Variants in SLC35F4 observed in about 807,000 individuals in gnomAD.
SLC35F4 encodes chromosome 14 open reading frame 36.
In SLC35F4, 24 loss-of-function variants were observed where a neutral mutation model predicts 44.2. The ratio of observed to expected loss-of-function variants is 0.54; its 90% CI spans 0.39 to 0.76. SLC35F4 has a LOEUF of 0.76. Ranked by LOEUF, SLC35F4 falls within the 30% of genes least tolerant of loss-of-function variation. The probability of loss-of-function intolerance (pLI) is 0.00; values close to 1 mark genes in which losing one functional copy is unlikely to be tolerated. For missense variants in SLC35F4, 562 were observed against 586.1 expected, an observed-to-expected ratio of 0.96 and a Z score of 0.42; for synonymous variants, 238 against 223.6, an observed-to-expected ratio of 1.06 and a Z score of -0.57.
At chr14:57,611,304 A>G (rs238396) in intron 1 of SLC35F4, among the ~76,000 whole-genome samples, 107,420 of 152,082 alleles carry the variant, frequency 0.71, 38,759 homozygotes, top group Middle Eastern at 0.8. Context: ...CTAGGCAGCT[A>G]GATAAATCTA....
chr14:57,974,676 C>T (rs980215224), downstream of SLC35F4, among the ~76,000 whole-genome samples: 1 of 152,054 alleles, frequency 6.6e-6, no homozygotes, highest in African/African-American at 2.4e-5. Context: ...TAGCCCCCAC[C>T]AATCCTGCTC....
intron 2 of SLC35F4, among the ~76,000 whole-genome samples, chr14:57,592,127 A>T (rs2070228305): frequency 6.6e-6 from 1 of 152,226 alleles, no homozygotes; most frequent in African/African-American, 2.4e-5. Context: ...GTTATCATTA[A>T]AATTGTTTTA....
At chr14:57,647,281 A>T (rs2073571569) in intron 1 of SLC35F4, among the ~76,000 whole-genome samples, 1 of 151,872 alleles carries the variant, frequency 6.6e-6, no homozygotes, top group Non-Finnish European at 1.5e-5. Context: ...GTCACTAAGG[A>T]CTTGCTTTAT....
At chr14:57,740,779 G>A (rs1392794528) in intron 1 of SLC35F4, among the ~76,000 whole-genome samples, 2 of 152,022 alleles carry the variant, frequency 1.3e-5, no homozygotes, top group African/African-American at 2.4e-5. Context: ...CATCTGTTAC[G>A]CACCAATAAA....
At chr14:57,635,532 T>C (rs1004915276) in intron 1 of SLC35F4, among the ~76,000 whole-genome samples, 1 of 152,052 alleles carries the variant, frequency 6.6e-6, no homozygotes, top group Admixed American at 6.6e-5. Flanking sequence ...AGATGTTTAA[T>C]TGTCACAGGT....
At chr14:57,671,083 T>C (rs977522062) in intron 1 of SLC35F4, among the ~76,000 whole-genome samples, 2 of 151,846 alleles carry the variant, frequency 1.3e-5, no homozygotes, top group African/African-American at 4.8e-5. Context: ...TTTGTATTTT[T>C]AGTAGAGAAG....
intron 1 of SLC35F4, among the ~76,000 whole-genome samples, chr14:57,881,488 T>A (rs1237212442): frequency 2.0e-5 from 3 of 152,202 alleles, no homozygotes; most frequent in Non-Finnish European, 4.4e-5. Context: ...CTCTTATATG[T>A]AAATGATTAA....
At chr14:57,708,588 G>C (rs1436388145) in intron 1 of SLC35F4, among the ~76,000 whole-genome samples, 1 of 152,212 alleles carries the variant, frequency 6.6e-6, no homozygotes. Flanking sequence ...TTGCAGATGA[G>C]AAACTTGTTG....
intron 1 of SLC35F4, among the ~76,000 whole-genome samples, chr14:57,893,229 C>G (rs1296543563): frequency 6.6e-6 from 1 of 152,112 alleles, no homozygotes; most frequent in Non-Finnish European, 1.5e-5. Context: ...TATAGTGCCC[C>G]CTTTTGGCTA....
intron 1 of SLC35F4, among the ~76,000 whole-genome samples, chr14:57,905,203 T>C (rs1042144209): frequency 6.6e-6 from 1 of 152,194 alleles, no homozygotes; most frequent in South Asian, 2.1e-4. Flanking sequence ...GCCAAGTTGG[T>C]GCTGGCTGTC....
At chr14:57,591,177 A>G (rs141835867) in intron 2 of SLC35F4, among the ~76,000 whole-genome samples, 3,825 of 152,302 alleles carry the variant, frequency 0.025, 74 homozygotes, top group South Asian at 0.048. Context: ...GATCCTAAGG[A>G]TTTGAATATG....
intron 1 of SLC35F4, among the ~76,000 whole-genome samples, chr14:57,675,232 T>C (rs1214418173): frequency 6.6e-6 from 1 of 152,068 alleles, no homozygotes; most frequent in Non-Finnish European, 1.5e-5. Context: ...TTAAAATATG[T>C]GCATTTCATT....
chr14:57,895,632 C>G (rs1189036898), intron 1 of SLC35F4, among the ~76,000 whole-genome samples: 2 of 152,004 alleles, frequency 1.3e-5, no homozygotes, highest in African/African-American at 4.8e-5. Flanking sequence ...CTCTCCTGCT[C>G]TGCCATGGCA....
chr14:57,564,017 T>G lies in SLC35F4; in HGVS notation c.*118A>C. 8.9e-7 allele frequency: 1 copy of G among 1,123,528 alleles called. No individual in the cohort carries two copies. The highest frequency in any genetic ancestry group is 1.2e-6 in the Non-Finnish European group (1 of 806,326). The allele number at this position is 1,123,528 out of a possible 1,614,324, so 69.6% of individuals were successfully genotyped here. The stretch of plus-strand genomic sequence containing the variant: ...TGTAAACTTTTATTGTTGGCATTAT[T>G]TCACATATGATTTATCCAAATTCAG... On this transcript the variant is annotated 3_prime_UTR_variant, in exon 8 of 8. Transcript: ENST00000556826.
At chr14:57,791,713 C>G (rs1208351690) in intron 1 of SLC35F4, among the ~76,000 whole-genome samples, 1 of 152,120 alleles carries the variant, frequency 6.6e-6, no homozygotes, top group Non-Finnish European at 1.5e-5. Context: ...TGGAACCAAC[C>G]CAAATGCCCA....
intron 1 of SLC35F4, among the ~76,000 whole-genome samples, chr14:57,829,267 G>C (rs1466757711): frequency 6.6e-6 from 1 of 152,176 alleles, no homozygotes; most frequent in East Asian, 1.9e-4. Context: ...AGGCAGCTGG[G>C]ATCACTGTGA....
chr14:57,809,452 A>C (rs1274820469), intron 1 of SLC35F4, among the ~76,000 whole-genome samples: 1 of 152,150 alleles, frequency 6.6e-6, no homozygotes, highest in Non-Finnish European at 1.5e-5. Context: ...TGGCTAGAAG[A>C]AGCAGACTCC....
intron 1 of SLC35F4, among the ~76,000 whole-genome samples, chr14:57,838,275 G>A (rs1428660661): frequency 1.3e-5 from 2 of 152,182 alleles, no homozygotes; most frequent in African/African-American, 4.8e-5. Context: ...AGATCCCCAA[G>A]AAGGCAAACA....
chr14:57,841,792 T>C (rs1885512471), intron 1 of SLC35F4, among the ~76,000 whole-genome samples: 1 of 152,156 alleles, frequency 6.6e-6, no homozygotes, highest in South Asian at 2.1e-4. Context: ...ATATCGCTCA[T>C]GATCCTAAAA....
Sources: allele counts gnomAD v4.1 joint callset (sites outside exome capture counted in the v4.1 genomes callset), GRCh38; gene constraint gnomAD v4.1.1; transcripts MANE v1.5; gene names NCBI Gene and HGNC (gene_info 2026-07-23, HGNC 2026-07-21).